The following DSCAM variants were observed in gnomAD, a reference collection of about 807,000 sequenced individuals.
DSCAM encodes DS cell adhesion molecule.
In DSCAM, 47 loss-of-function variants were observed where a neutral mutation model predicts 217.7. That is an observed-to-expected ratio of 0.22 (90% CI 0.17 to 0.28). The LOEUF (loss-of-function observed/expected upper bound fraction) is 0.28, where lower values mean the gene tolerates loss of function less well. Ranked by LOEUF, DSCAM falls within the 10% of genes least tolerant of loss-of-function variation. The probability of loss-of-function intolerance (pLI) is 1.00; values close to 1 mark genes in which losing one functional copy is unlikely to be tolerated. For missense variants in DSCAM, 2,080 were observed against 2,618.3 expected (o/e 0.79, Z 4.49); for synonymous variants, 1,056 against 1,015.3 (o/e 1.04, Z -0.76).
At chr21:40,515,829 A>G (rs528966894) in intron 3 of DSCAM, among the ~76,000 whole-genome samples, 33 of 152,192 alleles carry the variant, frequency 2.2e-4, no homozygotes, top group Non-Finnish European at 4.1e-4. Context: ...TCATGTGTCT[A>G]GTATAATACA....
chr21:40,222,189 T>C (rs1349236185), intron 11 of DSCAM, among the ~76,000 whole-genome samples: 1 of 152,220 alleles, frequency 6.6e-6, no homozygotes, highest in Non-Finnish European at 1.5e-5. Context: ...ACCTTCCCAA[T>C]ATTTAAAGAT....
rs528136631 is a variant in DSCAM at position 40,144,326 on chromosome 21, G to A, written c.3259+165C>T. ...TGCCCCAGGGCGGGCAGATCAGCGG[G>A]GTGGGCGAGGTCACGAGGGAAGGCT... On this transcript the variant is annotated intron_variant, in intron 17 of 32. Coordinates refer to ENST00000400454, the MANE Select transcript of DSCAM (RefSeq NM_001389.5). This position sits in a 1 kb window ranked among gnomAD's most constrained non-coding sequence, Gnocchi z 4.8. Among the ~76,000 whole-genome samples the A allele has an allele frequency of 1.3e-4, 20 of 152,296 alleles. No homozygotes were observed. The highest frequency in any genetic ancestry group is 1.0e-3 in the South Asian group (5 of 4,822).
chr21:40,208,226 G>C (rs1416086365), intron 11 of DSCAM, among the ~76,000 whole-genome samples: 1 of 152,308 alleles, frequency 6.6e-6, no homozygotes, highest in East Asian at 1.9e-4. Flanking sequence ...GCTGAGGTGG[G>C]TGGATCACCT....
chr21:40,746,119 A>T (rs1337595719), intron 1 of DSCAM, among the ~76,000 whole-genome samples: 1 of 151,958 alleles, frequency 6.6e-6, no homozygotes, highest in Non-Finnish European at 1.5e-5. Flanking sequence ...CTCAAGGAAA[A>T]CAATAAGAGA....
chr21:40,399,368 T>C (rs1367724828), intron 3 of DSCAM, among the ~76,000 whole-genome samples: 4 of 152,202 alleles, frequency 2.6e-5, no homozygotes, highest in Non-Finnish European at 5.9e-5. Context: ...TTTGAGAGTA[T>C]GGGTGGAAAA....
Position 40,042,529 on chromosome 21 carries a change from G to A in DSCAM, c.5528C>T (p.Ser1843Leu). ...TGTCCCTGCCGTCAACTGCTCCGAT[G>A]ACGTGTCTGATATGAAGCACTCCGT... Reference protein sequence around the residue: ...TITECFISDTSSEQLTAGTNE... With the variant: ...TITECFISDTLSEQLTAGTNE... Residue 1843 changes from serine (S) to leucine (L), a missense_variant, in exon 32 of 33, where the codon TCA (serine) becomes TTA (leucine). By Grantham distance (145) the Ser-to-Leu change is moderately radical. Around this residue, in one of 5 missense-constraint regions of DSCAM, gnomAD observed 1,144 missense variants for 1,421.1 expected, o/e 0.81. Coordinates refer to ENST00000400454, the MANE Select transcript of DSCAM (RefSeq NM_001389.5). 6.2e-7 allele frequency: 1 copy of A among 1,614,218 alleles called. No individual in the cohort carries two copies. The highest frequency in any genetic ancestry group is 8.5e-7 in the Non-Finnish European group (1 of 1,180,038).
At chr21:40,619,246 GATTT>G (rs1426724825) in intron 3 of DSCAM, among the ~76,000 whole-genome samples, 2 of 152,034 alleles carry the variant, frequency 1.3e-5, no homozygotes, top group African/African-American at 2.4e-5. Context: ...AACTATACCA[GATTT>G]ATTATAATAT....
chr21:40,684,676 T>C (rs766140967), intron 3 of DSCAM, among the ~76,000 whole-genome samples: 4 of 152,254 alleles, frequency 2.6e-5, no homozygotes, highest in Admixed American at 6.5e-5. Context: ...AATCCTGTTT[T>C]CTTATACTGT....
intron 1 of DSCAM, among the ~76,000 whole-genome samples, chr21:40,819,647 T>C (rs1423739506): frequency 6.6e-6 from 1 of 152,240 alleles, no homozygotes; most frequent in Non-Finnish European, 1.5e-5. Context: ...CTAGCATGGA[T>C]ATATTGATCT....
At chr21:40,661,741 G>A (rs2090141071) in intron 3 of DSCAM, among the ~76,000 whole-genome samples, 1 of 152,128 alleles carries the variant, frequency 6.6e-6, no homozygotes, top group Non-Finnish European at 1.5e-5. Flanking sequence ...GAGCAGGAGG[G>A]AGGCCATTAA....
intron 8 of DSCAM, among the ~76,000 whole-genome samples, chr21:40,336,704 T>C (rs1411458073): frequency 1.3e-5 from 2 of 152,250 alleles, no homozygotes; most frequent in African/African-American, 4.8e-5. Flanking sequence ...ATTCTCTGCA[T>C]AGTATGGAGT....
intron 1 of DSCAM, among the ~76,000 whole-genome samples, chr21:40,732,534 CCTGA>C (rs1461677307): frequency 6.6e-6 from 1 of 152,192 alleles, no homozygotes; most frequent in Non-Finnish European, 1.5e-5. Flanking sequence ...AGGCTCCTTG[CCTGA>C]CTGATGTGGA....
chr21:40,708,613 C>T lies in DSCAM; in HGVS notation c.202G>A (p.Asp68Asn), dbSNP rs367690354. 1.9e-6 allele frequency: 3 copies of T among 1,612,176 alleles called. No individual in the cohort carries two copies. The highest frequency in any genetic ancestry group is 2.5e-6 in the Non-Finnish European group (3 of 1,179,160). The change falls in exon 2 of 33, where the codon GAT becomes AAT. Residue 68 changes from aspartate (D) to asparagine (N), a missense_variant. By Grantham distance (23) the Asp-to-Asn change is conservative (BLOSUM62 1). Coordinates refer to ENST00000400454, the MANE Select transcript of DSCAM (RefSeq NM_001389.5). ...TGGACGTGGCGGATCCCGGGGACAT[C>T]GTAGATCTCCTCGCCCGTGGCTAGG... The part of the protein sequence containing the change: ...WYLATGEEIY[D>N]VPGIRHVHPN...
intron 11 of DSCAM, among the ~76,000 whole-genome samples, chr21:40,238,282 C>G (rs921037491): frequency 6.6e-6 from 1 of 152,184 alleles, no homozygotes; most frequent in Non-Finnish European, 1.5e-5. Context: ...CCAGTGAAAA[C>G]GACCCTTGGA....
intron 27 of DSCAM, among the ~76,000 whole-genome samples, chr21:40,065,223 G>T (rs973373823): frequency 6.6e-6 from 1 of 152,124 alleles, no homozygotes. Context: ...CATGGAAGCA[G>T]CAATCTTGGG....
At chr21:40,798,045 C>T (rs1000086911) in intron 1 of DSCAM, among the ~76,000 whole-genome samples, 1 of 151,902 alleles carries the variant, frequency 6.6e-6, no homozygotes, top group African/African-American at 2.4e-5. Flanking sequence ...GTAATACTAT[C>T]CTTATGTTTG....
intron 27 of DSCAM, among the ~76,000 whole-genome samples, chr21:40,071,720 T>G (rs16999266): frequency 0.058 from 8,845 of 152,326 alleles, 518 homozygotes; most frequent in African/African-American, 0.15. Context: ...AAATATTCTG[T>G]CTGTAGAGTC....
chr21:40,773,608 C>A (rs1411832165), intron 1 of DSCAM, among the ~76,000 whole-genome samples: 2 of 152,192 alleles, frequency 1.3e-5, no homozygotes, highest in Non-Finnish European at 1.5e-5. Context: ...ACTGTTCAAC[C>A]CACTACACCA....
intron 1 of DSCAM, among the ~76,000 whole-genome samples, chr21:40,755,273 C>T (rs935311078): frequency 2.4e-4 from 36 of 152,078 alleles, no homozygotes; most frequent in African/African-American, 7.2e-4. Flanking sequence ...TGGTGAAACA[C>T]TGTCTCTACT....
Sources: gnomAD v4.1 joint callset for allele counts (sites outside exome capture counted in the v4.1 genomes callset) on GRCh38, gnomAD v4.1.1 for gene constraint, gnomAD v4.1.1 regional missense constraint, Gnocchi (gnomAD v3.1) non-coding constraint, MANE v1.5 for transcripts, NCBI Gene and HGNC (gene_info 2026-07-23, HGNC 2026-07-21) for gene names.